Variants in ATRNL1 observed in about 807,000 individuals in gnomAD.
The protein encoded by ATRNL1 is attractin-like protein 1.
ATRNL1 carries 95 observed loss-of-function variants against 182.7 expected under a neutral mutation model. The ratio of observed to expected loss-of-function variants is 0.52; its 90% CI spans 0.44 to 0.62. The LOEUF (loss-of-function observed/expected upper bound fraction) is 0.62. ATRNL1 is among the 20% of genes least tolerant of loss of function. The pLI is 0.00. For missense variants in ATRNL1, 1,471 were observed against 1,679.5 expected (o/e 0.88, Z 2.17); for synonymous variants, 576 against 568.3 (o/e 1.01, Z -0.19).
intron 26 of ATRNL1, among the ~76,000 whole-genome samples, chr10:115,693,738 T>A (rs898669149): frequency 6.6e-6 from 1 of 152,120 alleles, no homozygotes; most frequent in Non-Finnish European, 1.5e-5. Context: ...ACACAATAAG[T>A]ATTTGTGTAT....
chr10:115,599,016 G>A (rs1176383785), intron 26 of ATRNL1, among the ~76,000 whole-genome samples: 1 of 152,320 alleles, frequency 6.6e-6, no homozygotes, highest in African/African-American at 2.4e-5. Flanking sequence ...CTAGCATCAT[G>A]CATTGGTCCT....
intron 26 of ATRNL1, among the ~76,000 whole-genome samples, chr10:115,711,528 T>C (rs1947063680): frequency 1.3e-5 from 2 of 152,216 alleles, no homozygotes; most frequent in Non-Finnish European, 1.5e-5. Flanking sequence ...CTTGCATCTG[T>C]TCTCTTAGGC....
intron 26 of ATRNL1, among the ~76,000 whole-genome samples, chr10:115,692,649 T>G (rs1946429976): frequency 6.6e-6 from 1 of 151,648 alleles, no homozygotes; most frequent in Non-Finnish European, 1.5e-5. Flanking sequence ...TTTAAAAAAT[T>G]TGAAATAAAA....
chr10:115,561,331 A>G (rs1395178853), intron 26 of ATRNL1, among the ~76,000 whole-genome samples: 1 of 152,150 alleles, frequency 6.6e-6, no homozygotes, highest in Non-Finnish European at 1.5e-5. Context: ...ATGTATAAAG[A>G]ATTTGAGTAG....
At chr10:115,252,146 C>T (rs1850906295) in intron 10 of ATRNL1, among the ~76,000 whole-genome samples, 1 of 152,146 alleles carries the variant, frequency 6.6e-6, no homozygotes, top group Non-Finnish European at 1.5e-5. Flanking sequence ...CCTGCCTCAG[C>T]CTCCTGAGTA....
In ATRNL1 at chr10:115,834,093, G is replaced by A. The variant is rs181687026; in HGVS notation, c.3904-13784G>A. 4.4e-3 allele frequency among the ~76,000 whole-genome samples: 672 copies of A among 152,224 alleles called. 7 individuals carry two copies. The highest frequency in any genetic ancestry group is 0.015 in the African/African-American group (641 of 41,542). ...TCTTTCTATCTACAGTTAATTTGGT[G>A]GCTACCGCTATGCTCTCAGGAGCCA... is the stretch of plus-strand genomic sequence containing the variant. On this transcript the variant is annotated intron_variant, in intron 27 of 28. Transcript: ENST00000355044.
At chr10:115,620,412 TCTTA>T (rs144069688) in intron 26 of ATRNL1, among the ~76,000 whole-genome samples, 3,007 of 152,270 alleles carry the variant, frequency 0.02, 90 homozygotes, top group African/African-American at 0.069. Context: ...ATTATATCAG[TCTTA>T]CTTATCAAGG....
intron 9 of ATRNL1, among the ~76,000 whole-genome samples, chr10:115,232,480 A>C (rs1396252961): frequency 6.6e-6 from 1 of 152,042 alleles, no homozygotes; most frequent in African/African-American, 2.4e-5. Flanking sequence ...ATATTTTGCC[A>C]ACATTTTATC....
rs1851632963 is a variant in ATRNL1, at chr10:115,266,959, T to C, written c.1935T>C (p.Ser645=). The C allele has an allele frequency of 6.2e-7, 1 of 1,611,956 alleles. No homozygotes were observed. Among genetic ancestry groups the C allele is most frequent in the African/African-American group, 1.3e-5 (1 of 74,826 alleles). The stretch of plus-strand genomic sequence containing the variant: ...AAAATCACTGTGAATCTTGGGAATC[T>C]GGGAATACTAATAATATTCTTAGAG... ...WNKNHCESWE[S]GNTNNILRAK... is the part of the protein sequence containing the mutation. The change falls in exon 12 of 29, where the codon TCT becomes TCC. Residue 645 remains serine (S), a synonymous_variant. Coordinates refer to ENST00000355044, the MANE Select transcript of ATRNL1 (RefSeq NM_207303.4).
At chr10:115,101,224 A>G (rs1415146674) in intron 1 of ATRNL1, among the ~76,000 whole-genome samples, 2 of 149,390 alleles carry the variant, frequency 1.3e-5, no homozygotes, top group Non-Finnish European at 1.5e-5. Flanking sequence ...GCCTTATTTC[A>G]CTGGCCAGAA....
At chr10:115,476,322 A>G (rs1363334029) in intron 24 of ATRNL1, among the ~76,000 whole-genome samples, 2 of 151,254 alleles carry the variant, frequency 1.3e-5, no homozygotes, top group Non-Finnish European at 3.0e-5. Flanking sequence ...TGTTTTTGGC[A>G]TATTTTTTAT....
At chr10:115,643,025 C>A (rs1859353141) in intron 26 of ATRNL1, among the ~76,000 whole-genome samples, 1 of 152,066 alleles carries the variant, frequency 6.6e-6, no homozygotes, top group Non-Finnish European at 1.5e-5. Context: ...ATTTGCAATG[C>A]AAAGTATGGC....
intron 21 of ATRNL1, among the ~76,000 whole-genome samples, chr10:115,443,687 A>T (rs1444727974): frequency 6.6e-6 from 1 of 152,020 alleles, no homozygotes; most frequent in African/African-American, 2.4e-5. Context: ...ATTCTTGGTT[A>T]TTATGGATAC....
intron 24 of ATRNL1, among the ~76,000 whole-genome samples, chr10:115,504,651 T>C (rs1850016156): frequency 6.6e-6 from 1 of 152,122 alleles, no homozygotes; most frequent in Non-Finnish European, 1.5e-5. Flanking sequence ...CTGGCAATTC[T>C]TAACACATTT....
At chr10:115,505,908 C>T (rs1250859156) in intron 24 of ATRNL1, among the ~76,000 whole-genome samples, 1 of 150,582 alleles carries the variant, frequency 6.6e-6, no homozygotes, top group East Asian at 2.0e-4. Context: ...AGTATCAAAC[C>T]AGAAAGGGCT....
Position 115,496,712 on chromosome 10 carries a change from G to A in ATRNL1, c.3655-22551G>A, listed in dbSNP as rs189236558. Among the ~76,000 whole-genome samples, 82 of 152,314 alleles carry A rather than the reference G, an allele frequency of 5.4e-4. 1 individual carries two copies. Among genetic ancestry groups the A allele is most frequent in the Non-Finnish European group, 1.8e-4 (12 of 68,034 alleles). ...AGTTTTTATTCTTTAAAATTGCTGA[G>A]TATCAGCTCCCAGTCTGTTCTGGCT... is the stretch of plus-strand genomic sequence containing the variant. On this transcript the variant is annotated intron_variant, in intron 24 of 28. Coordinates refer to ENST00000355044, the MANE Select transcript of ATRNL1 (RefSeq NM_207303.4).
intron 26 of ATRNL1, among the ~76,000 whole-genome samples, chr10:115,588,080 T>G (rs11197320): frequency 2.0e-5 from 3 of 151,932 alleles, no homozygotes; most frequent in African/African-American, 7.3e-5. Context: ...AAGTTTTCCT[T>G]TCTTTTTTAC....
At chr10:115,475,991 T>A (rs1848512266) in intron 24 of ATRNL1, among the ~76,000 whole-genome samples, 1 of 151,526 alleles carries the variant, frequency 6.6e-6, no homozygotes, top group East Asian at 1.9e-4. Context: ...GTTTTACATC[T>A]TTCTATGTTG....
Position 115,897,120 on chromosome 10 carries a change from T to TATAC in ATRNL1, c.4019-47515_4019-47512dup, listed in dbSNP as rs761858809. The stretch of plus-strand genomic sequence containing the variant: ...TAGGCAAAGGAAGTGAATGGGCAAT[T>TATAC]ATACATACATACATACATACATACA... On this transcript the variant is annotated intron_variant, in intron 28 of 28. Transcript: ENST00000355044. Among the ~76,000 whole-genome samples the TATAC allele has an allele frequency of 3.1e-3, 466 of 152,054 alleles. 1 individual carries two copies. Among genetic ancestry groups the TATAC allele is most frequent in the African/African-American group, 5.1e-3 (211 of 41,528 alleles).
Sources: gnomAD v4.1 joint callset for allele counts (sites outside exome capture counted in the v4.1 genomes callset) on GRCh38, gnomAD v4.1.1 for gene constraint, MANE v1.5 for transcripts, NCBI Gene and HGNC (gene_info 2026-07-23, HGNC 2026-07-21) for gene names.